TP63: variants seen among roughly 807,000 people sequenced by gnomAD.
TP63 encodes the protein tumor protein 63.
Under a neutral mutation model 82.8 loss-of-function variants are expected in TP63, and 17 were observed. The ratio of observed to expected loss-of-function variants is 0.21; its 90% CI spans 0.14 to 0.31. TP63 has a LOEUF of 0.31. Ranked by LOEUF, TP63 falls within the 10% of genes least tolerant of loss-of-function variation. TP63 has a pLI of 1.00. For synonymous variants in TP63, 330 were observed against 321.7 expected, an observed-to-expected ratio of 1.03 and a Z score of -0.28; for missense variants, 648 against 895.3, an observed-to-expected ratio of 0.72 and a Z score of 3.52.
At chr3:189,864,745 G>A (rs907991464) in intron 5 of TP63, among the ~76,000 whole-genome samples, 5 of 152,078 alleles carry the variant, frequency 3.3e-5, no homozygotes, top group South Asian at 4.2e-4. Context: ...GGTGGCTCAT[G>A]CCCGTAATCC....
At chr3:189,755,527 T>G (rs1217431194) in intron 3 of TP63, among the ~76,000 whole-genome samples, 1 of 152,148 alleles carries the variant, frequency 6.6e-6, no homozygotes, top group African/African-American at 2.4e-5. Flanking sequence ...TCTTCAAAAC[T>G]TAAATTTCCT....
chr3:189,639,045 A>G (rs1711572970), intron 1 of TP63, among the ~76,000 whole-genome samples: 1 of 152,124 alleles, frequency 6.6e-6, no homozygotes, highest in African/African-American at 2.4e-5. Context: ...TAAAGTGACA[A>G]TTTTCAATCT....
chr3:189,866,223 G>C (rs930526484), intron 5 of TP63, among the ~76,000 whole-genome samples: 4 of 152,198 alleles, frequency 2.6e-5, no homozygotes, highest in African/African-American at 9.7e-5. Flanking sequence ...GAAAGAAGAA[G>C]AAGTGGAAGT....
chr3:189,896,748 G>A lies in TP63; in HGVS notation c.*2246G>A, dbSNP rs1354087710. The A allele has an allele frequency of 4.9e-6, 1 of 204,326 alleles. No individual in the cohort carries two copies. Among genetic ancestry groups the A allele is most frequent in the Non-Finnish European group, 1.0e-5 (1 of 99,574 alleles). The allele number at this position is 204,326 out of a possible 1,614,324, so 12.7% of individuals were successfully genotyped here. On this transcript the variant is annotated 3_prime_UTR_variant, in exon 14 of 14. Coordinates refer to ENST00000264731, the MANE Select transcript of TP63 (RefSeq NM_003722.5). ...TCATGGATTTGGCACTAGCCAAAGC[G>A]AGGCACCCTTACTGGCTTACCTCCT...
At chr3:189,738,310 AAG>A (rs920087416) in intron 2 of TP63, among the ~76,000 whole-genome samples, 1 of 152,250 alleles carries the variant, frequency 6.6e-6, no homozygotes, top group African/African-American at 2.4e-5. Context: ...AAAAGGTGAA[AAG>A]AGAATTTCAG....
the TP63 span, among the ~76,000 whole-genome samples, chr3:189,623,689 C>T: frequency 2.6e-4 from 39 of 152,140 alleles, no homozygotes; most frequent in African/African-American, 8.4e-4. Flanking sequence ...TCAATGAGTG[C>T]TATGTAGTCT....
At chr3:189,821,850 T>C (rs566749850) in intron 4 of TP63, among the ~76,000 whole-genome samples, 1 of 152,348 alleles carries the variant, frequency 6.6e-6, no homozygotes, top group East Asian at 1.9e-4. Context: ...AAGCATATGA[T>C]ACTTACAGTA....
chr3:189,607,712 G>A, the TP63 span, among the ~76,000 whole-genome samples: 77 of 151,746 alleles, frequency 5.1e-4, 1 homozygote, highest in Middle Eastern at 0.014. Flanking sequence ...TAAAATTATC[G>A]TACATATAAA....
At chr3:189,755,757 A>G (rs1577356398) in intron 3 of TP63, among the ~76,000 whole-genome samples, 1 of 152,204 alleles carries the variant, frequency 6.6e-6, no homozygotes, top group Admixed American at 6.6e-5. Flanking sequence ...CCAACTGTGC[A>G]AAAGTGTGGC....
chr3:189,829,436 T>C (rs1711955419), intron 4 of TP63, among the ~76,000 whole-genome samples: 1 of 152,240 alleles, frequency 6.6e-6, no homozygotes, highest in African/African-American at 2.4e-5. Context: ...CTACTTTCCC[T>C]ATATGTCTAC....
At chr3:189,784,019 A>T (rs914125282) in intron 3 of TP63, among the ~76,000 whole-genome samples, 2 of 152,012 alleles carry the variant, frequency 1.3e-5, no homozygotes, top group Non-Finnish European at 2.9e-5. Context: ...TCTTGTTTAT[A>T]TACATAAACA....
rs1455803302 is a variant in TP63, at chr3:189,868,727, G to A, written c.1129+11G>A. ...ATGGTACGAAGCGCCGTAAGTAGAT[G>A]TAGTGGCCAAATGGGGTAGGGTTGA... On this transcript the variant is annotated intron_variant, in intron 8 of 13. Coordinates refer to ENST00000264731, the MANE Select transcript of TP63 (RefSeq NM_003722.5). The A allele has an allele frequency of 1.2e-6, 2 of 1,613,872 alleles. No homozygotes were observed. The highest frequency in any genetic ancestry group is 2.7e-5 in the African/African-American group (2 of 74,910).
chr3:189,896,784 T>G lies in TP63; in HGVS notation c.*2282T>G, dbSNP rs1365838950. On this transcript the variant is annotated 3_prime_UTR_variant, in exon 14 of 14. Coordinates refer to ENST00000264731, the MANE Select transcript of TP63 (RefSeq NM_003722.5). ...ACTGGCTTACCTCCTCATGGCAGCCTACTCTCCTTGAGTGTATGAGTAGCC... is the reference window on the plus strand; with the variant it reads ...ACTGGCTTACCTCCTCATGGCAGCCGACTCTCCTTGAGTGTATGAGTAGCC... The G allele has an allele frequency of 4.8e-6, 1 of 206,826 alleles. No individual in the cohort carries two copies. The allele number at this position is 206,826 out of a possible 1,614,324, so 12.8% of individuals were successfully genotyped here.
intron 10 of TP63, among the ~76,000 whole-genome samples, chr3:189,879,889 G>C (rs148860262): frequency 6.6e-6 from 1 of 152,244 alleles, no homozygotes; most frequent in Non-Finnish European, 1.5e-5. Context: ...ATCTTGAGAA[G>C]TCTCAGTAAT....
At chr3:189,661,110 T>G (rs1054787573) in intron 1 of TP63, among the ~76,000 whole-genome samples, 1 of 152,048 alleles carries the variant, frequency 6.6e-6, no homozygotes, top group Admixed American at 6.6e-5. Context: ...AGTATTAGGT[T>G]GAATAGAAGT....
intron 3 of TP63, among the ~76,000 whole-genome samples, chr3:189,766,143 G>A (rs1722946003): frequency 6.6e-6 from 1 of 152,154 alleles, no homozygotes. Flanking sequence ...TGAGACTGCA[G>A]TGTGCTATGG....
At chr3:189,880,409 C>G (rs1239385825) in intron 10 of TP63, 2 of 1,131,276 alleles carry the variant, frequency 1.8e-6, no homozygotes, top group East Asian at 8.9e-5. Flanking sequence ...TATCCTTAGA[C>G]CGGCCATTGG....
intron 1 of TP63, among the ~76,000 whole-genome samples, chr3:189,675,007 G>C (rs1715267553): frequency 6.6e-6 from 1 of 152,088 alleles, no homozygotes; most frequent in African/African-American, 2.4e-5. Context: ...CCATCAACTA[G>C]TTAGCTTATA....
intron 1 of TP63, among the ~76,000 whole-genome samples, chr3:189,638,653 C>T (rs536390300): frequency 1.4e-4 from 21 of 152,166 alleles, no homozygotes; most frequent in South Asian, 1.2e-3. Context: ...TTGGGTGGAG[C>T]CTTGGAAATG....
Sources: gnomAD v4.1 joint callset for allele counts (sites outside exome capture counted in the v4.1 genomes callset) on GRCh38, gnomAD v4.1.1 for gene constraint, MANE v1.5 for transcripts, NCBI Gene and HGNC (gene_info 2026-07-23, HGNC 2026-07-21) for gene names.